The following ADGRV1 variants were observed in gnomAD, a reference collection of about 807,000 sequenced individuals.
ADGRV1 encodes the protein adhesion G protein-coupled receptor V1.
Under a neutral mutation model 596.2 loss-of-function variants are expected in ADGRV1, and 359 were observed. That is an observed-to-expected ratio of 0.60 (90% CI 0.55 to 0.66). The LOEUF is 0.66. ADGRV1 is among the 30% of genes least tolerant of loss of function. ADGRV1 has a pLI of 0.00. For missense variants in ADGRV1, 7,274 were observed against 7,575.6 expected (o/e 0.96, Z 1.48); for synonymous variants, 2,681 against 2,679.2 (o/e 1.00, Z -0.02).
At chr5:90,591,997 T>A (rs1026634487) in intron 1 of ADGRV1, among the ~76,000 whole-genome samples, 1 of 151,850 alleles carries the variant, frequency 6.6e-6, no homozygotes, top group African/African-American at 2.4e-5. Context: ...TAATAAGGAG[T>A]GATTCAGGAT....
intron 50 of ADGRV1, among the ~76,000 whole-genome samples, chr5:90,743,550 C>T (rs1447495063): frequency 2.0e-5 from 3 of 148,634 alleles, no homozygotes; most frequent in African/African-American, 7.5e-5. Flanking sequence ...CGGCTCACTG[C>T]AAGCTTCGCC....
chr5:90,802,370 C>T (rs1010542046), intron 70 of ADGRV1, among the ~76,000 whole-genome samples: 1 of 152,072 alleles, frequency 6.6e-6, no homozygotes, highest in Non-Finnish European at 1.5e-5. Context: ...TTTGCACCAC[C>T]AAGCCCAGCT....
At chr5:90,842,846 T>C (rs1765551063) in intron 78 of ADGRV1, among the ~76,000 whole-genome samples, 1 of 152,238 alleles carries the variant, frequency 6.6e-6, no homozygotes, top group Admixed American at 6.5e-5. Flanking sequence ...GTCACTACTT[T>C]TTTAAAAATA....
intron 84 of ADGRV1, among the ~76,000 whole-genome samples, chr5:90,968,679 T>C (rs1778686350): frequency 6.6e-6 from 1 of 152,018 alleles, no homozygotes; most frequent in Admixed American, 6.6e-5. Context: ...ACCTACATAT[T>C]CCCATTTATA....
In ADGRV1 at chr5:90,797,624, G is replaced by A. The variant is rs148251240; in HGVS notation, c.14518-5115G>A. ...CTTGAACTCAGCTCTGGACCAAGTG[G>A]ACCTAAGAGACATCTACAGGTATCT... is the stretch of plus-strand genomic sequence containing the variant. On this transcript the variant is annotated intron_variant, in intron 70 of 89. Coordinates refer to ENST00000405460, the MANE Select transcript of ADGRV1 (RefSeq NM_032119.4). Among the ~76,000 whole-genome samples, 1,231 of 152,204 alleles carry A rather than the reference G, an allele frequency of 8.1e-3. 16 individuals are homozygous for A. The highest frequency in any genetic ancestry group is 0.028 in the African/African-American group (1,176 of 41,518).
chr5:90,987,199 G>C (rs1204441878), intron 85 of ADGRV1, among the ~76,000 whole-genome samples: 2 of 152,142 alleles, frequency 1.3e-5, no homozygotes, highest in African/African-American at 2.4e-5. Flanking sequence ...TTAGACCAGA[G>C]GCCGGGCGTG....
intron 85 of ADGRV1, among the ~76,000 whole-genome samples, chr5:90,988,051 A>T (rs1046273368): frequency 6.6e-6 from 1 of 152,114 alleles, no homozygotes; most frequent in African/African-American, 2.4e-5. Flanking sequence ...TTCTCCAAGT[A>T]TTAATAGGCG....
At chr5:90,971,075 C>T (rs1778929131) in intron 84 of ADGRV1, among the ~76,000 whole-genome samples, 4 of 151,976 alleles carry the variant, frequency 2.6e-5, no homozygotes, top group African/African-American at 7.3e-5. Flanking sequence ...CCTCCGTAGC[C>T]GATTTGATCA....
chr5:90,643,084 A>G (rs781056756), intron 13 of ADGRV1, 43 bp downstream of exon 13: 2 of 1,475,704 alleles, frequency 1.4e-6, no homozygotes, highest in South Asian at 1.2e-5. Flanking sequence ...TGTAAGATTG[A>G]TAGTATTTGG....
intron 85 of ADGRV1, among the ~76,000 whole-genome samples, chr5:91,022,581 A>G (rs1020204416): frequency 6.6e-6 from 1 of 152,134 alleles, no homozygotes; most frequent in Non-Finnish European, 1.5e-5. Context: ...ATACATTTGT[A>G]GTCTTATTTA....
intron 33 of ADGRV1, 58 bp downstream of exon 33, chr5:90,694,759 T>A (rs1746971374): frequency 7.2e-7 from 1 of 1,382,346 alleles, no homozygotes; most frequent in African/African-American, 1.5e-5. Context: ...ATAGTCCATT[T>A]TTATGATAAA....
chr5:90,678,069 A>G (rs1369077578), intron 25 of ADGRV1, among the ~76,000 whole-genome samples: 1 of 152,178 alleles, frequency 6.6e-6, no homozygotes, highest in Admixed American at 6.6e-5. Flanking sequence ...GTGGGAGCAA[A>G]GCCATGTACC....
chr5:90,714,030 G>C (rs1326658802), intron 42 of ADGRV1, among the ~76,000 whole-genome samples: 1 of 152,108 alleles, frequency 6.6e-6, no homozygotes, highest in Non-Finnish European at 1.5e-5. Flanking sequence ...TATATATGTG[G>C]ATAATTAAGA....
intron 9 of ADGRV1, among the ~76,000 whole-genome samples, chr5:90,631,411 A>T (rs1487376066): frequency 6.6e-6 from 1 of 151,974 alleles, no homozygotes; most frequent in East Asian, 1.9e-4. Context: ...TTAGTGGGTG[A>T]CCTGTTACGG....
Position 90,866,315 on chromosome 5 carries a change from A to G in ADGRV1, c.17856+2458A>G, listed in dbSNP as rs68084735. On this transcript the variant is annotated intron_variant, in intron 83 of 89. Transcript: ENST00000405460. ...ACTATAATTTATTGTGTATGTGTAT[A>G]TGTGTGTGTGTGTGTGTGTGTGTGT... 6.9e-3 allele frequency among the ~76,000 whole-genome samples: 961 copies of G among 138,318 alleles called. 2 individuals carry two copies. The highest frequency in any genetic ancestry group is 0.018 in the Middle Eastern group (5 of 278). The allele number at this position is 138,318 out of a possible 152,430, so 90.7% of individuals were successfully genotyped here.
chr5:90,910,092 G>A (rs1019210612), intron 83 of ADGRV1, among the ~76,000 whole-genome samples: 4 of 152,152 alleles, frequency 2.6e-5, no homozygotes, highest in African/African-American at 7.2e-5. Context: ...CTGTTTATGC[G>A]TGCCTAGATT....
chr5:91,144,259 G>A (rs1450301420), intron 87 of ADGRV1, among the ~76,000 whole-genome samples: 1 of 152,188 alleles, frequency 6.6e-6, no homozygotes, highest in Admixed American at 6.5e-5. Flanking sequence ...ATGGGCCATC[G>A]CTACCATCAA....
At chr5:90,822,466 C>G (rs1193570462) in intron 75 of ADGRV1, among the ~76,000 whole-genome samples, 1 of 152,132 alleles carries the variant, frequency 6.6e-6, no homozygotes. Flanking sequence ...TCTGAGGGCT[C>G]TGTTCTGTTC....
At chr5:91,126,860 G>T (rs1793803270) in intron 87 of ADGRV1, among the ~76,000 whole-genome samples, 1 of 152,108 alleles carries the variant, frequency 6.6e-6, no homozygotes. Context: ...GATATGCCTG[G>T]TGTTTGAATG....
Sources: allele counts gnomAD v4.1 joint callset (sites outside exome capture counted in the v4.1 genomes callset), GRCh38; gene constraint gnomAD v4.1.1; transcripts MANE v1.5; gene names NCBI Gene and HGNC (gene_info 2026-07-23, HGNC 2026-07-21).